Variants in TACSTD2 observed in about 807,000 individuals in gnomAD.
The protein encoded by TACSTD2 is tumor associated calcium signal transducer 2.
A neutral mutation model predicts 7.9 loss-of-function variants in TACSTD2; 6 were observed. That is an observed-to-expected ratio of 0.76 (90% CI 0.42 to 1.50). The LOEUF (loss-of-function observed/expected upper bound fraction) is 1.50, where lower values mean the gene tolerates loss of function less well. Ranked by LOEUF, TACSTD2 falls within the 40% of genes most tolerant of loss-of-function variation. The pLI is 0.01. For synonymous variants in TACSTD2, 220 were observed against 225.5 expected (o/e 0.98, Z 0.22); for missense variants, 511 against 471.2 (o/e 1.08, Z -0.78).
In TACSTD2 at chr1:58,576,117, T is replaced by C; in HGVS notation, c.*68A>G. 1 of 1,556,950 alleles carries C rather than the reference T, an allele frequency of 6.4e-7. No homozygotes were observed. On this transcript the variant is annotated 3_prime_UTR_variant, in exon 1 of 1. Coordinates refer to ENST00000371225, the MANE Select transcript of TACSTD2 (RefSeq NM_002353.3). Reference sequence around the variant, plus strand: ...CTTTGCGCCGAGGAATCAGGAAGCGTGACTCACTTGGGTCTGGGACGATAC... The same window carrying C: ...CTTTGCGCCGAGGAATCAGGAAGCGCGACTCACTTGGGTCTGGGACGATAC...
Position 58,576,008 on chromosome 1 carries a change from G to GT in TACSTD2, c.*176_*177insA. The stretch of plus-strand genomic sequence containing the variant: ...TTCAAGACAGAAGTGAGAAAGAAAG[G>GT]AGACCCTGAGGCCAGGATCTATTAA... On this transcript the variant is annotated 3_prime_UTR_variant, in exon 1 of 1. Coordinates refer to ENST00000371225, the MANE Select transcript of TACSTD2 (RefSeq NM_002353.3). The GT allele has an allele frequency of 1.4e-6, 1 of 731,744 alleles. No homozygotes were observed. Among genetic ancestry groups the GT allele is most frequent in the Non-Finnish European group, 2.2e-6 (1 of 458,896 alleles). 45.3% of individuals were successfully genotyped at this position (731,744 alleles called of 1,614,324 possible). A position where few individuals can be genotyped will look rare whatever the true frequency, so the allele number is the denominator to read the frequency against.
chr1:58,576,439 C>G lies in TACSTD2; in HGVS notation c.718G>C (p.Gly240Arg), dbSNP rs1297690032. The change falls in exon 1 of 1, where the codon GGC becomes CGC. Residue 240 changes from glycine to arginine, a missense_variant. Physicochemically the swap from Gly to Arg is moderately radical, Grantham distance 125. Transcript: ENST00000371225. ...CCGCGCACGCGCAAGTCCAGGCCGCCGCGGCCCTGGAATAGAGACTCGCCC... is the reference window on the plus strand; with the variant it reads ...CCGCGCACGCGCAAGTCCAGGCCGCGGCGGCCCTGGAATAGAGACTCGCCC... ...IKGESLFQGR[G>R]GLDLRVRGEP... The G allele has an allele frequency of 6.2e-7, 1 of 1,613,786 alleles. No individual in the cohort carries two copies. The highest frequency in any genetic ancestry group is 1.1e-5 in the South Asian group (1 of 91,030).
At position 58,577,164 on chromosome 1, in the gene TACSTD2, C is replaced by T; in HGVS notation, c.-8G>A. On this transcript the variant is annotated 5_prime_UTR_variant, in exon 1 of 1. Transcript: ENST00000371225. ...GCCGGGGCCCCGAGCCATGGTGGGG[C>T]GGAGGAACGCGGACCGGACGCGGGC... The T allele has an allele frequency of 1.8e-5, 25 of 1,358,002 alleles. No homozygotes were observed. Among genetic ancestry groups the T allele is most frequent in the Non-Finnish European group, 2.3e-5 (25 of 1,064,406 alleles). The allele number at this position is 1,358,002 out of a possible 1,614,324, so 84.1% of individuals were successfully genotyped here.
Position 58,577,018 on chromosome 1 carries a change from C to T in TACSTD2, c.139G>A (p.Asp47Asn). Residue 47 changes from aspartate to asparagine, a missense_variant, in exon 1 of 1, where the codon GAC becomes AAC. By Grantham distance (23) the Asp-to-Asn change is conservative. Coordinates refer to ENST00000371225, the MANE Select transcript of TACSTD2 (RefSeq NM_002353.3). ...PTNKMTVCSP[D>N]GPGGRCQCRA... ...CACTGGCAGCGGCCGCCGGGGCCGTCGGGGCTGCACACGGTCATCTTGTTG... is the reference window on the plus strand; with the variant it reads ...CACTGGCAGCGGCCGCCGGGGCCGTTGGGGCTGCACACGGTCATCTTGTTG... 6.4e-6 allele frequency: 10 copies of T among 1,555,026 alleles called. No individual in the cohort carries two copies. The highest frequency in any genetic ancestry group is 6.9e-6 in the Non-Finnish European group (8 of 1,153,986).
chr1:58,577,002 C>A lies in TACSTD2; in HGVS notation c.155G>T (p.Arg52Leu). The change falls in exon 1 of 1, where the codon CGC (arginine) becomes CTC (leucine). Residue 52 changes from arginine to leucine, a missense_variant. Arg to Leu is a moderately radical substitution (Grantham distance 102). Transcript: ENST00000371225. Reference sequence around the variant, plus strand: ...CGAGCCCAGCGCGCGGCACTGGCAGCGGCCGCCGGGGCCGTCGGGGCTGCA... The same window carrying A: ...CGAGCCCAGCGCGCGGCACTGGCAGAGGCCGCCGGGGCCGTCGGGGCTGCA... ...TVCSPDGPGG[R>L]CQCRALGSGM... 1 of 1,565,604 alleles carries A rather than the reference C, an allele frequency of 6.4e-7. No individual in the cohort carries two copies. Among genetic ancestry groups the A allele is most frequent in the East Asian group, 2.3e-5 (1 of 42,854 alleles).
Position 58,575,969 on chromosome 1 carries a change from T to C in TACSTD2, c.*216A>G. 1.6e-6 allele frequency: 1 copy of C among 619,828 alleles called. No homozygotes were observed. Among genetic ancestry groups the C allele is most frequent in the South Asian group, 2.2e-5 (1 of 45,328 alleles). 38.4% of individuals were successfully genotyped at this position (619,828 alleles called of 1,614,324 possible). ...TTGTTGGACCGAAAGGGGATACATTTTAGAAATGCTTCCTTCAAGACAGAA... is the reference window on the plus strand; with the variant it reads ...TTGTTGGACCGAAAGGGGATACATTCTAGAAATGCTTCCTTCAAGACAGAA... On this transcript the variant is annotated 3_prime_UTR_variant, in exon 1 of 1. Coordinates refer to ENST00000371225, the MANE Select transcript of TACSTD2 (RefSeq NM_002353.3).
chr1:58,576,465 T>C lies in TACSTD2; in HGVS notation c.692A>G (p.Lys231Arg). Reference protein sequence around the residue: ...DAAYYFERDIKGESLFQGRGG... With the variant: ...DAAYYFERDIRGESLFQGRGG... ...GCGGCCCTGGAATAGAGACTCGCCCTTGATGTCCCTCTCGAAGTAGTAGGC... is the reference window on the plus strand; with the variant it reads ...GCGGCCCTGGAATAGAGACTCGCCCCTGATGTCCCTCTCGAAGTAGTAGGC... Residue 231 changes from lysine (K) to arginine (R), a missense_variant, in exon 1 of 1, where the codon AAG becomes AGG. Coordinates refer to ENST00000371225, the MANE Select transcript of TACSTD2 (RefSeq NM_002353.3). 1.9e-6 allele frequency: 3 copies of C among 1,613,874 alleles called. No individual in the cohort carries two copies. The highest frequency in any genetic ancestry group is 4.5e-5 in the East Asian group (2 of 44,872).
rs778769367 is a variant in TACSTD2 at position 58,576,186 on chromosome 1, T to C, written c.971A>G (p.Ter324TrpextTer26). Residue 324 changes from the stop codon to tryptophan (W), a stop_lost, in exon 1 of 1, where the codon TAG becomes TGG. Transcript: ENST00000371225. ...CCCATCCCCTGCCCCGCCGGGTACC[T>C]ACAAGCTCGGTTCCTTTCTCAACTC... Reference protein sequence around the residue: ...LGELRKEPSL* With the variant: ...LGELRKEPSLW 2.5e-6 allele frequency: 4 copies of C among 1,613,728 alleles called. No individual in the cohort carries two copies. The Admixed American group carries it at 5.0e-5, about 20-fold the overall frequency.
chr1:58,576,334 C>T lies in TACSTD2; in HGVS notation c.823G>A (p.Ala275Thr). The part of the protein sequence containing the change: ...PPKFSMKRLT[A>T]GLIAVIVVVV... ...ACCACGATGACGGCGATGAGGCCGGCGGTGAGGCGCTTCATGGAGAACTTC... is the reference window on the plus strand; with the variant it reads ...ACCACGATGACGGCGATGAGGCCGGTGGTGAGGCGCTTCATGGAGAACTTC... The change falls in exon 1 of 1, where the codon GCC becomes ACC. Residue 275 changes from alanine to threonine, a missense_variant. By Grantham distance (58) the Ala-to-Thr change is moderately conservative (BLOSUM62 0). Transcript: ENST00000371225. 6.2e-7 allele frequency: 1 copy of T among 1,612,948 alleles called. No individual in the cohort carries two copies. Among genetic ancestry groups the T allele is most frequent in the Non-Finnish European group, 8.5e-7 (1 of 1,179,506 alleles).
rs1286139963 is a variant in TACSTD2, at chr1:58,576,712, C to T, written c.445G>A (p.Val149Met). The T allele has an allele frequency of 1.9e-6, 3 of 1,601,348 alleles. No individual in the cohort carries two copies. The highest frequency in any genetic ancestry group is 1.7e-4 in the Middle Eastern group (1 of 6,056). Reference protein sequence around the residue: ...GDLSLRCDELVRTHHILIDLR... With the variant: ...GDLSLRCDELMRTHHILIDLR... ...TCAATGAGGATGTGGTGGGTGCGCACCAGCTCATCGCAGCGTAGGCTCAGG... is the reference window on the plus strand; with the variant it reads ...TCAATGAGGATGTGGTGGGTGCGCATCAGCTCATCGCAGCGTAGGCTCAGG... The change falls in exon 1 of 1, where the codon GTG becomes ATG. Residue 149 changes from valine to methionine, a missense_variant. Coordinates refer to ENST00000371225, the MANE Select transcript of TACSTD2 (RefSeq NM_002353.3).
Position 58,575,443 on chromosome 1 carries a change from A to G in TACSTD2, c.*742T>C, listed in dbSNP as rs578204688. On this transcript the variant is annotated 3_prime_UTR_variant, in exon 1 of 1. Transcript: ENST00000371225. ...CCGACTTCTGGTTTGTGCCTTTCCC[A>G]TATTTTATTAAATTCGTGTTTTATT... The G allele has an allele frequency of 1.3e-5, 2 of 152,310 alleles. No homozygotes were observed. The highest frequency in any genetic ancestry group is 4.1e-4 in the South Asian group (2 of 4,826). The allele number at this position is 152,310 out of a possible 1,614,324, so 9.4% of individuals were successfully genotyped here.
chr1:58,576,839 G>C lies in TACSTD2; in HGVS notation c.318C>G (p.Pro106=), dbSNP rs756761287. The C allele has an allele frequency of 9.3e-5, 149 of 1,595,068 alleles. No individual in the cohort carries two copies. The highest frequency in any genetic ancestry group is 1.5e-4 in the Admixed American group (9 of 59,356). The change falls in exon 1 of 1, where the codon CCC becomes CCG. Residue 106 remains proline (P), a synonymous_variant. Coordinates refer to ENST00000371225, the MANE Select transcript of TACSTD2 (RefSeq NM_002353.3). The part of the protein sequence containing the change: ...ALVDNDGLYD[P]DCDPEGRFKA... ...TGAAGCGGCCCTCGGGGTCGCAGTC[G>C]GGGTCGTAGAGGCCATCGTTGTCCA...
rs376342240 is a variant in TACSTD2, at chr1:58,576,297, G to T, written c.860C>A (p.Ala287Asp). 1 of 1,613,482 alleles carries T rather than the reference G, an allele frequency of 6.2e-7. No homozygotes were observed. Among genetic ancestry groups the T allele is most frequent in the Non-Finnish European group, 8.5e-7 (1 of 1,179,764 alleles). ...LIAVIVVVVVALVAGMAVLVI... is the reference protein window; with the variant it reads ...LIAVIVVVVVDLVAGMAVLVI... ...CAGGACGGCCATGCCGGCGACGAGG[G>T]CCACCACGACCACCACGATGACGGC... Residue 287 changes from alanine (A) to aspartate (D), a missense_variant, in exon 1 of 1, where the codon GCC (alanine) becomes GAC (aspartate). Coordinates refer to ENST00000371225, the MANE Select transcript of TACSTD2 (RefSeq NM_002353.3).
rs1192160518 is a variant in TACSTD2 at position 58,575,603 on chromosome 1, CA to C, written c.*581del. The C allele has an allele frequency of 1.3e-5, 2 of 152,594 alleles. No homozygotes were observed. The highest frequency in any genetic ancestry group is 4.8e-5 in the African/African-American group (2 of 41,424). The allele number at this position is 152,594 out of a possible 1,614,324, so 9.5% of individuals were successfully genotyped here. On this transcript the variant is annotated 3_prime_UTR_variant, in exon 1 of 1. Transcript: ENST00000371225. ...TGAGTTTCCGGGCAATGTCTGTCCT[CA>C]AAGACATCCAAACTGCGTTCAGGCA...
In TACSTD2 at chr1:58,576,910, G is replaced by T; in HGVS notation, c.247C>A (p.Pro83Thr). Reference protein sequence around the residue: ...CLLLKARMSAPKNARTLVRPS... With the variant: ...CLLLKARMSATKNARTLVRPS... ...CGCACCAGCGTGCGGGCGTTCTTGG[G>T]GGCGCTCATGCGCGCCTTGAGCAGC... The change falls in exon 1 of 1, where the codon CCC (proline) becomes ACC (threonine). Residue 83 changes from proline (P) to threonine (T), a missense_variant. Pro to Thr is a conservative substitution (Grantham distance 38, BLOSUM62 -1). Coordinates refer to ENST00000371225, the MANE Select transcript of TACSTD2 (RefSeq NM_002353.3). 6.3e-7 allele frequency: 1 copy of T among 1,588,404 alleles called. No individual in the cohort carries two copies.
Position 58,576,497 on chromosome 1 carries a change from G to C in TACSTD2, c.660C>G (p.Gly220=), listed in dbSNP as rs773421096. The change falls in exon 1 of 1, where the codon GGC becomes GGG. Residue 220 remains glycine, a synonymous_variant. Coordinates refer to ENST00000371225, the MANE Select transcript of TACSTD2 (RefSeq NM_002353.3). ...CCCTCTCGAAGTAGTAGGCGGCATCGCCGATATCCACGTCACCGGCGGCCT... is the reference window on the plus strand; with the variant it reads ...CCCTCTCGAAGTAGTAGGCGGCATCCCCGATATCCACGTCACCGGCGGCCT... ...SQKAAGDVDI[G]DAAYYFERDI... is the part of the protein sequence containing the mutation. 51 of 1,613,120 alleles carry C rather than the reference G, an allele frequency of 3.2e-5. No homozygotes were observed. The Middle Eastern group carries it at 6.6e-4, about 21-fold the overall frequency.
Position 58,577,113 on chromosome 1 carries a change from G to GGCAGCC in TACSTD2, c.38_43dup (p.Arg13_Leu14dup). 1 of 1,431,828 alleles carries GGCAGCC rather than the reference G, an allele frequency of 7.0e-7. No homozygotes were observed. The highest frequency in any genetic ancestry group is 9.1e-7 in the Non-Finnish European group (1 of 1,102,972). 88.7% of individuals were successfully genotyped at this position (1,431,828 alleles called of 1,614,324 possible). ...CGCCGCCAGCACCAGCAGCAGCAGC[G>GGCAGCC]GCAGCCGCAGCGGTGGCGGCGCGAG... On this transcript the variant is annotated inframe_insertion, in exon 1 of 1. Transcript: ENST00000371225.
In TACSTD2 at chr1:58,576,414, C is replaced by A. The variant is rs774658823; in HGVS notation, c.743G>T (p.Gly248Val). Residue 248 changes from glycine to valine, a missense_variant, in exon 1 of 1, where the codon GGA becomes GTA. Coordinates refer to ENST00000371225, the MANE Select transcript of TACSTD2 (RefSeq NM_002353.3). ...CGTGCGCTCCACCTGCAGGGGTTCT[C>A]CGCGCACGCGCAAGTCCAGGCCGCC... ...GRGGLDLRVRGEPLQVERTLI... is the reference protein window; with the variant it reads ...GRGGLDLRVRVEPLQVERTLI... 1 of 1,613,562 alleles carries A rather than the reference C, an allele frequency of 6.2e-7. No homozygotes were observed.
In TACSTD2 at chr1:58,576,946, A is replaced by T. The variant is rs768432907; in HGVS notation, c.211T>A (p.Ser71Thr). The T allele has an allele frequency of 3.1e-6, 5 of 1,587,304 alleles. No individual in the cohort carries two copies. The South Asian group carries it at 5.6e-5, about 18-fold the overall frequency. The stretch of plus-strand genomic sequence containing the variant: ...CGCGCCTTGAGCAGCAGACACTTGG[A>T]GGTCAGCGTGGAGCAGTCGACCGCC... ...GMAVDCSTLTSKCLLLKARMS... is the reference protein window; with the variant it reads ...GMAVDCSTLTTKCLLLKARMS... The change falls in exon 1 of 1, where the codon TCC (serine) becomes ACC (threonine). Residue 71 changes from serine (S) to threonine (T), a missense_variant. By Grantham distance (58) the Ser-to-Thr change is moderately conservative (BLOSUM62 1). Transcript: ENST00000371225.
Sources: allele counts gnomAD v4.1 joint callset, GRCh38; gene constraint gnomAD v4.1.1; transcripts MANE v1.5; gene names NCBI Gene and HGNC (gene_info 2026-07-23, HGNC 2026-07-21).